The following DAAM1 variants were observed in gnomAD, a reference collection of about 807,000 sequenced individuals.
DAAM1 encodes the protein disheveled-associated activator of morphogenesis 1.
DAAM1 carries 52 observed loss-of-function variants against 130.0 expected under a neutral mutation model. That is an observed-to-expected ratio of 0.40 (90% CI 0.32 to 0.50). The LOEUF is 0.50. DAAM1 is among the 20% of genes least tolerant of loss of function. The pLI, the probability that DAAM1 is intolerant of heterozygous loss-of-function variation, is 0.61. For missense variants in DAAM1, 1,134 were observed against 1,303.8 expected (o/e 0.87, Z 2.01); for synonymous variants, 452 against 444.5 (o/e 1.02, Z -0.21).
chr14:59,218,486 G>T (rs1167303523), intron 1 of DAAM1, among the ~76,000 whole-genome samples: 1 of 152,040 alleles, frequency 6.6e-6, no homozygotes, highest in South Asian at 2.1e-4. Context: ...TTTCTAAAGG[G>T]GTGTGAATAT....
intron 1 of DAAM1, among the ~76,000 whole-genome samples, chr14:59,241,798 C>G (rs1280969552): frequency 6.6e-6 from 1 of 152,166 alleles, no homozygotes; most frequent in East Asian, 1.9e-4. Flanking sequence ...GACCTTCGTT[C>G]TAGACTTGGG....
intron 12 of DAAM1, among the ~76,000 whole-genome samples, chr14:59,329,708 C>G (rs1359479835): frequency 6.6e-6 from 1 of 152,190 alleles, no homozygotes; most frequent in Non-Finnish European, 1.5e-5. Flanking sequence ...AGCTTGTATT[C>G]ATTGGCAATG....
At position 59,324,309 on chromosome 14, in the gene DAAM1, T is replaced by TA. The variant is rs771997850; in HGVS notation, c.886-37dup. The TA allele has an allele frequency of 2.0e-6, 3 of 1,487,910 alleles. No individual in the cohort carries two copies. In the African/African-American group the frequency reaches 4.2e-5, roughly 21 times the overall value. 92.2% of individuals were successfully genotyped at this position (1,487,910 alleles called of 1,614,324 possible). On this transcript the variant is annotated intron_variant, in intron 7 of 24. Transcript: ENST00000360909. The stretch of plus-strand genomic sequence containing the variant: ...TATAAAAAGTGATTATTATGTAGTC[T>TA]AAAAACCACAAATATGTATTTTATT...
chr14:59,331,633 C>T (rs1885445938), intron 14 of DAAM1, 125 bp downstream of exon 14: 6 of 1,508,286 alleles, frequency 4.0e-6, no homozygotes, highest in South Asian at 1.4e-5. Flanking sequence ...CAAGAGTTCT[C>T]ACTAGCTCAG....
chr14:59,339,036 A>C (rs1007687127), intron 15 of DAAM1, among the ~76,000 whole-genome samples: 1 of 152,242 alleles, frequency 6.6e-6, no homozygotes, highest in Non-Finnish European at 1.5e-5. Context: ...TGTAGAACTG[A>C]TAATGTTAGA....
intron 1 of DAAM1, among the ~76,000 whole-genome samples, chr14:59,223,564 C>T (rs1049042784): frequency 6.6e-6 from 1 of 152,170 alleles, no homozygotes; most frequent in African/African-American, 2.4e-5. Context: ...GATCATATGG[C>T]CCCAGTGGAA....
rs1475935593 is a variant in DAAM1, at chr14:59,291,196, A to G, written c.184-21A>G. 10 of 1,588,216 alleles carry G rather than the reference A, an allele frequency of 6.3e-6. No individual in the cohort carries two copies. The South Asian group carries it at 9.2e-5, about 15-fold the overall frequency. On this transcript the variant is annotated intron_variant, in intron 2 of 24. Transcript: ENST00000360909. ...AATAATGTTTATCCTATGAAACACT[A>G]ATTATTTTCTTTCTTCTCAGGATGA...
At chr14:59,222,697 A>G (rs2139429896) in intron 1 of DAAM1, among the ~76,000 whole-genome samples, 1 of 152,310 alleles carries the variant, frequency 6.6e-6, no homozygotes, top group South Asian at 2.1e-4. Context: ...TCCTCTGCTG[A>G]AGGTTACTCT....
At chr14:59,190,968 T>C (rs1277624192) in intron 1 of DAAM1, among the ~76,000 whole-genome samples, 1 of 152,260 alleles carries the variant, frequency 6.6e-6, no homozygotes, top group Non-Finnish European at 1.5e-5. Flanking sequence ...AATTATACTT[T>C]AGTATTATAA....
chr14:59,221,689 CT>C (rs2139428292), intron 1 of DAAM1, among the ~76,000 whole-genome samples: 1 of 152,334 alleles, frequency 6.6e-6, no homozygotes, highest in East Asian at 1.9e-4. Flanking sequence ...CCAGTTTCTT[CT>C]TGGTAATCTG....
chr14:59,191,180 T>C (rs1266390077), intron 1 of DAAM1, among the ~76,000 whole-genome samples: 2 of 152,194 alleles, frequency 1.3e-5, no homozygotes, highest in African/African-American at 4.8e-5. Flanking sequence ...GTCAGGTAAA[T>C]GCTTGGGATT....
intron 1 of DAAM1, among the ~76,000 whole-genome samples, chr14:59,252,354 G>T (rs1045283549): frequency 1.3e-5 from 2 of 152,186 alleles, no homozygotes; most frequent in East Asian, 3.8e-4. Context: ...ACAAATGTCA[G>T]TGTCCTTGCA....
intron 1 of DAAM1, among the ~76,000 whole-genome samples, chr14:59,204,830 G>A (rs759040536): frequency 2.0e-4 from 31 of 152,110 alleles, no homozygotes; most frequent in Non-Finnish European, 3.8e-4. Flanking sequence ...TCAGGAGTTC[G>A]AGACCAGCCT....
Position 59,359,385 on chromosome 14 carries a change from C to T in DAAM1, c.2526-12C>T, listed in dbSNP as rs1422748210. ...TTTGAATGTTTAATACTCTTCCCTT[C>T]TTCAATTGTAGAAACATTACCCTTT... On this transcript the variant is annotated splice_polypyrimidine_tract_variant and intron_variant, in intron 20 of 24. Transcript: ENST00000360909. 1.3e-6 allele frequency: 2 copies of T among 1,579,002 alleles called. No individual in the cohort carries two copies. Among genetic ancestry groups the T allele is most frequent in the Non-Finnish European group, 1.7e-6 (2 of 1,149,390 alleles).
chr14:59,361,892 C>T (rs186718761), intron 22 of DAAM1, among the ~76,000 whole-genome samples: 64 of 152,034 alleles, frequency 4.2e-4, no homozygotes, highest in Non-Finnish European at 5.6e-4. Flanking sequence ...CCCTTCTTTT[C>T]GTTTTTGAAT....
intron 5 of DAAM1, 21 bp downstream of exon 5, chr14:59,320,605 A>ATC (rs1594819953): frequency 2.3e-5 from 35 of 1,494,624 alleles, no homozygotes; most frequent in Non-Finnish European, 2.8e-5. Context: ...CCTGGATGGC[A>ATC]TGTTTTTTTT....
intron 17 of DAAM1, among the ~76,000 whole-genome samples, chr14:59,348,271 T>C (rs1028819126): frequency 2.6e-5 from 4 of 152,224 alleles, no homozygotes; most frequent in African/African-American, 7.2e-5. Flanking sequence ...TGTTATAATT[T>C]TTATTATCCA....
chr14:59,227,671 G>T (rs1202420833), intron 1 of DAAM1, among the ~76,000 whole-genome samples: 1 of 152,114 alleles, frequency 6.6e-6, no homozygotes, highest in African/African-American at 2.4e-5. Context: ...GACCAGATCT[G>T]GTGCTCCAGA....
chr14:59,270,572 A>G (rs1594791149), intron 2 of DAAM1, among the ~76,000 whole-genome samples: 1 of 152,174 alleles, frequency 6.6e-6, no homozygotes, highest in Non-Finnish European at 1.5e-5. Flanking sequence ...AGGGGAACAC[A>G]CATCCAAACC....
Sources: gnomAD v4.1 joint callset for allele counts (sites outside exome capture counted in the v4.1 genomes callset) on GRCh38, gnomAD v4.1.1 for gene constraint, MANE v1.5 for transcripts, NCBI Gene and HGNC (gene_info 2026-07-23, HGNC 2026-07-21) for gene names.